Variants in DPP6 observed in about 807,000 individuals in gnomAD.
DPP6 encodes dipeptidyl peptidase like 6, also known as A-type potassium channel modulatory protein DPP6.
Under a neutral mutation model 122.6 loss-of-function variants are expected in DPP6, and 69 were observed. The ratio of observed to expected loss-of-function variants is 0.56; its 90% confidence interval spans 0.46 to 0.69. The LOEUF (loss-of-function observed/expected upper bound fraction) is 0.69, where lower values mean the gene tolerates loss of function less well. Ranked by LOEUF, DPP6 falls within the 30% of genes least tolerant of loss-of-function variation. DPP6 has a pLI of 0.00. For synonymous variants in DPP6, 418 were observed against 433.1 expected, an observed-to-expected ratio of 0.97 and a Z score of 0.43; for missense variants, 928 against 1,116.9, an observed-to-expected ratio of 0.83 and a Z score of 2.41.
chr7:154,186,392 A>G (rs1798355322), intron 1 of DPP6, among the ~76,000 whole-genome samples: 1 of 152,244 alleles, frequency 6.6e-6, no homozygotes, highest in African/African-American at 2.4e-5. Context: ...TCTTTCACAG[A>G]TGAAACCTTA....
rs1178259829 is a variant in DPP6 at position 154,624,779 on chromosome 7, A to G, written c.628-13042A>G. 1.3e-5 allele frequency among the ~76,000 whole-genome samples: 2 copies of G among 152,116 alleles called. No individual in the cohort carries two copies. The highest frequency in any genetic ancestry group is 4.8e-5 in the African/African-American group (2 of 41,422). On this transcript the variant is annotated intron_variant, in intron 5 of 25. Coordinates refer to ENST00000377770, the MANE Select transcript of DPP6 (RefSeq NM_130797.4). The surrounding 1 kb of genome is among the most constrained non-coding windows in gnomAD (Gnocchi z 4.7). ...TAATCTGCACCATGTCAGGGACCCC[A>G]CCCCAGGATTCTTACCAGTAGTGAT... is the stretch of plus-strand genomic sequence containing the variant.
At chr7:154,287,115 C>T (rs1226580579) in intron 1 of DPP6, among the ~76,000 whole-genome samples, 1 of 152,166 alleles carries the variant, frequency 6.6e-6, no homozygotes, top group African/African-American at 2.4e-5. Flanking sequence ...CCTGTGATTG[C>T]TTTACTTCAG....
chr7:153,807,974 C>T, the DPP6 span, among the ~76,000 whole-genome samples: 21 of 152,116 alleles, frequency 1.4e-4, no homozygotes, highest in South Asian at 4.4e-3. Flanking sequence ...AGAAGTGTTT[C>T]TCCAGGTGGC....
At chr7:154,800,748 A>G (rs1447956984) in intron 12 of DPP6, among the ~76,000 whole-genome samples, 1 of 151,698 alleles carries the variant, frequency 6.6e-6, no homozygotes, top group East Asian at 1.9e-4. Flanking sequence ...GTCCCCTCCC[A>G]CCTGTGTTTT....
intron 18 of DPP6, among the ~76,000 whole-genome samples, chr7:154,869,588 C>A (rs994548804): frequency 7.9e-5 from 12 of 152,198 alleles, no homozygotes; most frequent in Non-Finnish European, 1.6e-4. Flanking sequence ...TGCAGTGTGG[C>A]TGGGTCTGGA....
chr7:154,233,594 T>C (rs1203153738), intron 1 of DPP6, among the ~76,000 whole-genome samples: 1 of 152,150 alleles, frequency 6.6e-6, no homozygotes, highest in Non-Finnish European at 1.5e-5. Flanking sequence ...CCATGTGAGA[T>C]GGAGGCAGAG....
In DPP6 at chr7:154,569,634, A is replaced by G. The variant is rs76874469; in HGVS notation, c.627+2718A>G. Among the ~76,000 whole-genome samples the G allele has an allele frequency of 0.037, 5,562 of 151,928 alleles. 542 individuals are homozygous for G. In the East Asian group the frequency reaches 0.38, roughly 11 times the overall value. On this transcript the variant is annotated intron_variant, in intron 5 of 25. Coordinates refer to ENST00000377770, the MANE Select transcript of DPP6 (RefSeq NM_130797.4). ...AAAAAGACTATCATAAAATTGTTTT[A>G]GTGTAAACCAACTGTCCAATTACTA...
chr7:154,159,625 G>A (rs1796872247), intron 1 of DPP6, among the ~76,000 whole-genome samples: 1 of 152,254 alleles, frequency 6.6e-6, no homozygotes, highest in African/African-American at 2.4e-5. Context: ...ACATCATCCA[G>A]TCTGCCTCCC....
intron 1 of DPP6, among the ~76,000 whole-genome samples, chr7:154,376,547 T>C (rs1041081655): frequency 9.9e-5 from 15 of 152,216 alleles, no homozygotes; most frequent in Non-Finnish European, 1.8e-4. Flanking sequence ...AAATTGCATA[T>C]AGCAATGCCT....
chr7:154,675,353 T>C (rs1838835814), intron 7 of DPP6, among the ~76,000 whole-genome samples: 3 of 151,980 alleles, frequency 2.0e-5, no homozygotes, highest in South Asian at 4.2e-4. Flanking sequence ...ACTTAAAGTA[T>C]AATAAAGAAA....
At chr7:154,892,125 G>A (rs1477374178) in intron 25 of DPP6, among the ~76,000 whole-genome samples, 1 of 152,186 alleles carries the variant, frequency 6.6e-6, no homozygotes, top group Non-Finnish European at 1.5e-5. Context: ...CGCTAGGGGA[G>A]GCGCCCCTCT....
intron 1 of DPP6, among the ~76,000 whole-genome samples, chr7:154,376,176 C>T (rs1011242912): frequency 6.6e-6 from 1 of 152,144 alleles, no homozygotes; most frequent in Non-Finnish European, 1.5e-5. Context: ...TGGAGATTCC[C>T]ATGTGCGGGG....
chr7:154,252,958 A>C (rs1802439943), intron 1 of DPP6, among the ~76,000 whole-genome samples: 1 of 152,258 alleles, frequency 6.6e-6, no homozygotes, highest in Non-Finnish European at 1.5e-5. Flanking sequence ...TAAAAATTTA[A>C]AAATCTCTAC....
intron 1 of DPP6, among the ~76,000 whole-genome samples, chr7:153,927,205 C>T (rs1800942268): frequency 6.6e-6 from 1 of 152,076 alleles, no homozygotes; most frequent in East Asian, 1.9e-4. Context: ...TCTAACTACT[C>T]AGAAGGCTGA....
chr7:154,587,993 AGT>A (rs1253006806), intron 5 of DPP6: 4 of 1,612,876 alleles, frequency 2.5e-6, no homozygotes, highest in Non-Finnish European at 2.5e-6. Flanking sequence ...TTGTCATACG[AGT>A]GTGGCAGGTG....
intron 1 of DPP6, among the ~76,000 whole-genome samples, chr7:154,327,826 T>G (rs1411216814): frequency 6.6e-6 from 1 of 152,182 alleles, no homozygotes; most frequent in Non-Finnish European, 1.5e-5. Context: ...GTTTCCAGAA[T>G]AGTAAAAACA....
chr7:154,083,190 C>T (rs200774454), intron 1 of DPP6, among the ~76,000 whole-genome samples: 25 of 151,672 alleles, frequency 1.6e-4, no homozygotes, highest in East Asian at 4.2e-4. Flanking sequence ...AGTGAGGAGT[C>T]GGTTAGTTGT....
intron 1 of DPP6, among the ~76,000 whole-genome samples, chr7:154,253,582 T>C (rs761757861): frequency 1.3e-5 from 2 of 152,228 alleles, no homozygotes; most frequent in Non-Finnish European, 2.9e-5. Context: ...TGCAATTTTC[T>C]AAGAATATGT....
intron 1 of DPP6, among the ~76,000 whole-genome samples, chr7:153,934,426 G>C (rs2129014374): frequency 6.6e-6 from 1 of 152,236 alleles, no homozygotes; most frequent in East Asian, 1.9e-4. Flanking sequence ...TTGTGTAAAG[G>C]AAGATAGTTG....
Sources: allele counts gnomAD v4.1 joint callset (sites outside exome capture counted in the v4.1 genomes callset), GRCh38; gene constraint gnomAD v4.1.1; non-coding constraint Gnocchi (gnomAD v3.1); transcripts MANE v1.5; gene names NCBI Gene and HGNC (gene_info 2026-07-23, HGNC 2026-07-21).